Variants in CNTN5 observed in about 807,000 individuals in gnomAD.
CNTN5 encodes contactin 5.
CNTN5 carries 77 observed loss-of-function variants against 129.1 expected under a neutral mutation model. That is an observed-to-expected ratio of 0.60 (90% confidence interval 0.50 to 0.72). CNTN5 has a LOEUF of 0.72. Ranked by LOEUF, CNTN5 falls within the 30% of genes least tolerant of loss-of-function variation. The pLI is 0.00. For missense variants in CNTN5, 1,478 were observed against 1,328.8 expected (o/e 1.11, Z -1.75); for synonymous variants, 509 against 465.6 (o/e 1.09, Z -1.20).
At chr11:99,365,386 G>A (rs935252831) in intron 2 of CNTN5, among the ~76,000 whole-genome samples, 1 of 152,158 alleles carries the variant, frequency 6.6e-6, no homozygotes, top group Admixed American at 6.6e-5. Flanking sequence ...TTAGAAAGTG[G>A]TATAGCACAA....
intron 3 of CNTN5, among the ~76,000 whole-genome samples, chr11:99,676,624 C>T (rs626566): frequency 0.35 from 52,502 of 151,908 alleles, 9,952 homozygotes; most frequent in Middle Eastern, 0.47. Context: ...AATGGATTTT[C>T]GTTTCATAAT....
At chr11:99,274,083 G>A (rs1482567201) in intron 1 of CNTN5, among the ~76,000 whole-genome samples, 2 of 151,726 alleles carry the variant, frequency 1.3e-5, no homozygotes, top group South Asian at 2.1e-4. Context: ...GTAGCCACAC[G>A]TAGCTAGTGG....
intron 13 of CNTN5, among the ~76,000 whole-genome samples, chr11:100,155,544 T>G (rs1245350442): frequency 6.6e-6 from 1 of 152,076 alleles, no homozygotes; most frequent in East Asian, 1.9e-4. Flanking sequence ...TAGTTTTTTC[T>G]AATTCTGGGA....
At chr11:99,526,299 T>TG (rs1389089686) in intron 2 of CNTN5, among the ~76,000 whole-genome samples, 4 of 152,202 alleles carry the variant, frequency 2.6e-5, no homozygotes, top group African/African-American at 4.8e-5. Flanking sequence ...CACCTGCGTG[T>TG]GGGGAACAAG....
intron 2 of CNTN5, among the ~76,000 whole-genome samples, chr11:99,509,267 T>G (rs1310295123): frequency 6.6e-6 from 1 of 152,180 alleles, no homozygotes; most frequent in Non-Finnish European, 1.5e-5. Context: ...TTGTCATTCT[T>G]GTTTTTTGTT....
chr11:99,088,189 T>C (rs975994538), intron 1 of CNTN5, among the ~76,000 whole-genome samples: 5 of 152,156 alleles, frequency 3.3e-5, no homozygotes, highest in Non-Finnish European at 7.4e-5. Flanking sequence ...TCAGTGTCTT[T>C]TTTCTATGTT....
In CNTN5 at chr11:99,280,224, G is replaced by A. The variant is rs1269730667; in HGVS notation, c.-209-45122G>A. On this transcript the variant is annotated intron_variant, in intron 1 of 24. Coordinates refer to ENST00000524871, the MANE Select transcript of CNTN5 (RefSeq NM_014361.4). ...TTTCTCATGGGGCTTAAATTGGGATGAAGAAGATGTACCCTCCAAAACAAA... is the reference window on the plus strand; with the variant it reads ...TTTCTCATGGGGCTTAAATTGGGATAAAGAAGATGTACCCTCCAAAACAAA... 2.0e-5 allele frequency among the ~76,000 whole-genome samples: 3 copies of A among 151,658 alleles called. No individual in the cohort carries two copies. In the East Asian group the frequency reaches 5.8e-4, roughly 30 times the overall value.
intron 20 of CNTN5, among the ~76,000 whole-genome samples, chr11:100,301,964 G>C (rs2138899309): frequency 6.6e-6 from 1 of 151,740 alleles, no homozygotes; most frequent in East Asian, 1.9e-4. Flanking sequence ...TTGAGCCCAG[G>C]AATTTGAGGC....
chr11:100,002,327 A>T (rs61111244), intron 9 of CNTN5, among the ~76,000 whole-genome samples, 191 bp downstream of exon 9: 31 of 152,282 alleles, frequency 2.0e-4, no homozygotes, highest in African/African-American at 7.5e-4. Flanking sequence ...ATTTCTATGG[A>T]CAACAGTTTC....
chr11:99,882,810 C>G (rs2135865575), intron 6 of CNTN5, among the ~76,000 whole-genome samples: 1 of 152,196 alleles, frequency 6.6e-6, no homozygotes, highest in Non-Finnish European at 1.5e-5. Context: ...CTTATTCATT[C>G]TTTCTGACTA....
intron 13 of CNTN5, among the ~76,000 whole-genome samples, chr11:100,082,434 G>T (rs1944401031): frequency 6.6e-6 from 1 of 152,016 alleles, no homozygotes; most frequent in Admixed American, 6.6e-5. Flanking sequence ...AGAGCACACT[G>T]TCACCACCAT....
chr11:100,271,404 T>G (rs1374687313), intron 18 of CNTN5, among the ~76,000 whole-genome samples, 163 bp downstream of exon 18: 1 of 152,210 alleles, frequency 6.6e-6, no homozygotes, highest in Non-Finnish European at 1.5e-5. Flanking sequence ...TTATTTCATT[T>G]TATTTGTTCT....
chr11:99,104,914 A>G (rs1866924811), intron 1 of CNTN5, among the ~76,000 whole-genome samples: 1 of 152,320 alleles, frequency 6.6e-6, no homozygotes, highest in African/African-American at 2.4e-5. Context: ...TTTTAAAATA[A>G]AGACAAGATT....
At chr11:100,317,605 A>G (rs1951595149) in intron 21 of CNTN5, among the ~76,000 whole-genome samples, 1 of 152,176 alleles carries the variant, frequency 6.6e-6, no homozygotes, top group South Asian at 2.1e-4. Context: ...ATTTTCATAG[A>G]CTCTGAGGCC....
intron 1 of CNTN5, among the ~76,000 whole-genome samples, chr11:99,185,280 A>G (rs1858284718): frequency 3.5e-5 from 1 of 28,656 alleles, no homozygotes; most frequent in Non-Finnish European, 7.8e-5. Context: ...TGAATCGATA[A>G]CTAAAGATTT....
chr11:99,290,166 T>C (rs1386037190), intron 1 of CNTN5, among the ~76,000 whole-genome samples: 5 of 151,824 alleles, frequency 3.3e-5, no homozygotes, highest in Non-Finnish European at 7.4e-5. Flanking sequence ...TATTGAGCGC[T>C]TGCCACTTTA....
intron 9 of CNTN5, among the ~76,000 whole-genome samples, chr11:100,049,416 T>C (rs935037172): frequency 2.6e-5 from 4 of 151,648 alleles, no homozygotes; most frequent in African/African-American, 9.7e-5. Flanking sequence ...TAAAATGAAA[T>C]ACTAAAAACT....
chr11:99,657,970 A>G (rs1043667966), intron 3 of CNTN5, among the ~76,000 whole-genome samples: 2 of 152,262 alleles, frequency 1.3e-5, no homozygotes, highest in East Asian at 3.9e-4. Flanking sequence ...TGTAAATGCA[A>G]TTATATGCTT....
chr11:99,359,252 A>G (rs559979245), intron 2 of CNTN5, among the ~76,000 whole-genome samples: 2 of 152,208 alleles, frequency 1.3e-5, no homozygotes, highest in Admixed American at 1.3e-4. Context: ...AGTACAACCA[A>G]CTCTATATGT....
Sources: allele counts gnomAD v4.1 joint callset (sites outside exome capture counted in the v4.1 genomes callset), GRCh38; gene constraint gnomAD v4.1.1; transcripts MANE v1.5; gene names NCBI Gene and HGNC (gene_info 2026-07-23, HGNC 2026-07-21).